The following PLXNC1 variants were observed in gnomAD, a reference collection of about 807,000 sequenced individuals.
PLXNC1 encodes the protein plexin C1.
A neutral mutation model predicts 178.2 loss-of-function variants in PLXNC1; 75 were observed. That is an observed-to-expected ratio of 0.42 (90% confidence interval 0.35 to 0.51). The LOEUF is 0.51. PLXNC1 is among the 20% of genes least tolerant of loss of function. PLXNC1 has a pLI of 0.02. For missense variants in PLXNC1, 1,503 were observed against 1,984.4 expected (o/e 0.76, Z 4.61); for synonymous variants, 790 against 779.9 (o/e 1.01, Z -0.22).
At chr12:94,263,331 G>A (rs377608944) in intron 20 of PLXNC1, among the ~76,000 whole-genome samples, 25 of 152,264 alleles carry the variant, frequency 1.6e-4, no homozygotes, top group Non-Finnish European at 3.4e-4. Context: ...AGCCCGCAAG[G>A]GATTCTGGTG....
chr12:94,297,493 A>G, intron 26 of PLXNC1, 70 bp downstream of exon 26: 1 of 1,065,184 alleles, frequency 9.4e-7, no homozygotes, highest in Non-Finnish European at 1.4e-6. Context: ...CTTAATTTCC[A>G]CTGAAGTGTG....
chr12:94,210,413 G>A (rs1963433455), intron 5 of PLXNC1, among the ~76,000 whole-genome samples: 1 of 152,174 alleles, frequency 6.6e-6, no homozygotes, highest in East Asian at 1.9e-4. Flanking sequence ...CTATAAGGAG[G>A]CATTTTCTCC....
intron 6 of PLXNC1, 77 bp from the exon 7 acceptor site, chr12:94,224,151 T>A: frequency 1.1e-6 from 1 of 883,232 alleles, no homozygotes; most frequent in South Asian, 1.3e-5. Flanking sequence ...AAAATATTTA[T>A]CTTTTTTTGC....
Position 94,297,442 on chromosome 12 carries a change from G to A in PLXNC1, c.4074+19G>A. On this transcript the variant is annotated intron_variant, in intron 26 of 30. Transcript: ENST00000258526. ...GACCAAGGTACACTTACTGTTCTGG[G>A]AGCACTTTATGGCTACCTAGGGGGT... 1.3e-6 allele frequency: 2 copies of A among 1,558,406 alleles called. No individual in the cohort carries two copies. Among genetic ancestry groups the A allele is most frequent in the Admixed American group, 1.7e-5 (1 of 59,812 alleles).
intron 5 of PLXNC1, 76 bp from the exon 6 acceptor site, chr12:94,219,940 G>A: frequency 1.5e-6 from 2 of 1,359,616 alleles, no homozygotes; most frequent in Non-Finnish European, 1.0e-6. Flanking sequence ...GTCAAAGGGT[G>A]AGATCATATG....
chr12:94,212,687 G>A (rs1453015282), intron 5 of PLXNC1, among the ~76,000 whole-genome samples: 1 of 151,326 alleles, frequency 6.6e-6, no homozygotes, highest in Non-Finnish European at 1.5e-5. Flanking sequence ...GTATTCCATG[G>A]TGTATAGGTG....
intron 23 of PLXNC1, among the ~76,000 whole-genome samples, chr12:94,284,766 G>A (rs1225106680): frequency 6.6e-6 from 1 of 152,148 alleles, no homozygotes; most frequent in African/African-American, 2.4e-5. Flanking sequence ...TAGGGGTAGG[G>A]AGGCAAGCAG....
chr12:94,200,794 GA>G, intron 4 of PLXNC1, among the ~76,000 whole-genome samples: 1 of 152,120 alleles, frequency 6.6e-6, no homozygotes, highest in Non-Finnish European at 1.5e-5. Flanking sequence ...GCCCACAAAA[GA>G]ACCACATGGA....
At chr12:94,195,767 G>A (rs557270360) in intron 4 of PLXNC1, among the ~76,000 whole-genome samples, 2 of 152,146 alleles carry the variant, frequency 1.3e-5, no homozygotes, top group Non-Finnish European at 2.9e-5. Flanking sequence ...ATCATTTCTC[G>A]CTCGGTCTAA....
At chr12:94,216,193 G>A (rs1055267197) in intron 5 of PLXNC1, among the ~76,000 whole-genome samples, 2 of 152,000 alleles carry the variant, frequency 1.3e-5, no homozygotes. Context: ...GCTTAAATCT[G>A]GGAGGTGAAG....
chr12:94,184,061 C>T (rs1042910781), intron 3 of PLXNC1, among the ~76,000 whole-genome samples: 12 of 151,646 alleles, frequency 7.9e-5, no homozygotes, highest in East Asian at 5.8e-4. Flanking sequence ...ATAGTCACTA[C>T]GGTCTGTTAT....
Position 94,259,682 on chromosome 12 carries a change from GT to G in PLXNC1, c.3201del (p.Thr1068LeufsTer14). The G allele has an allele frequency of 6.2e-7, 1 of 1,612,478 alleles. No homozygotes were observed. Among genetic ancestry groups the G allele is most frequent in the Non-Finnish European group, 8.5e-7 (1 of 1,178,998 alleles). On this transcript the variant is annotated frameshift_variant, in exon 19 of 31. Coordinates refer to ENST00000258526, the MANE Select transcript of PLXNC1 (RefSeq NM_005761.3). LOFTEE classifies it high-confidence loss of function. ...DALICNKSFL[V>X]TVIHTLEKQK... ...CCTAATCTGTAATAAAAGCTTTCTT[GT>G]TACTGTCATCCACACCCTTGAAAAG...
intron 5 of PLXNC1, among the ~76,000 whole-genome samples, chr12:94,218,325 G>A (rs761261643): frequency 1.6e-4 from 24 of 152,134 alleles, no homozygotes; most frequent in Admixed American, 3.3e-4. Context: ...GGTGACCTCC[G>A]GGGACTAGAT....
intron 21 of PLXNC1, among the ~76,000 whole-genome samples, chr12:94,269,772 C>T (rs919566710): frequency 1.3e-5 from 2 of 152,226 alleles, no homozygotes. Flanking sequence ...TAGTGCAAAT[C>T]ATTTCCATTA....
chr12:94,158,421 T>C (rs1961257299), intron 1 of PLXNC1, among the ~76,000 whole-genome samples: 1 of 152,208 alleles, frequency 6.6e-6, no homozygotes, highest in Non-Finnish European at 1.5e-5. Flanking sequence ...TTTATCCTGA[T>C]GGTTGGTCCT....
intron 12 of PLXNC1, among the ~76,000 whole-genome samples, chr12:94,247,663 G>C (rs894638937): frequency 6.6e-6 from 1 of 152,028 alleles, no homozygotes; most frequent in African/African-American, 2.4e-5. Flanking sequence ...AGCATGTTTT[G>C]AGTGCTTACT....
chr12:94,299,167 T>G (rs1367521728), intron 27 of PLXNC1, among the ~76,000 whole-genome samples: 1 of 152,246 alleles, frequency 6.6e-6, no homozygotes, highest in Non-Finnish European at 1.5e-5. Context: ...TCGGTTACTT[T>G]GCAGTCTCCA....
rs561897616 is a variant in PLXNC1 at position 94,284,798 on chromosome 12, T to C, written c.3879+2397T>C. Among the ~76,000 whole-genome samples, 91 of 152,198 alleles carry C rather than the reference T, an allele frequency of 6.0e-4. No individual in the cohort carries two copies. In the Middle Eastern group the frequency reaches 0.01, roughly 17 times the overall value. ...GCAGGGAAGATGCAGATCACACAGATGGGGGCAGCCTCTTCAGGAGTTCTG... is the reference window on the plus strand; with the variant it reads ...GCAGGGAAGATGCAGATCACACAGACGGGGGCAGCCTCTTCAGGAGTTCTG... On this transcript the variant is annotated intron_variant, in intron 23 of 30. Coordinates refer to ENST00000258526, the MANE Select transcript of PLXNC1 (RefSeq NM_005761.3).
chr12:94,284,888 A>G (rs1966734525), intron 23 of PLXNC1, among the ~76,000 whole-genome samples: 1 of 152,224 alleles, frequency 6.6e-6, no homozygotes, highest in African/African-American at 2.4e-5. Flanking sequence ...AGTATTTCAG[A>G]AAATGAGTGG....
Sources: gnomAD v4.1 joint callset for allele counts (sites outside exome capture counted in the v4.1 genomes callset) on GRCh38, gnomAD v4.1.1 for gene constraint, MANE v1.5 for transcripts, NCBI Gene and HGNC (gene_info 2026-07-23, HGNC 2026-07-21) for gene names.